The following MAGI2 variants were observed in gnomAD, a reference collection of about 807,000 sequenced individuals.
MAGI2 encodes the protein membrane-associated guanylate kinase, WW and PDZ domain-containing protein 2.
MAGI2 carries 35 observed loss-of-function variants against 133.3 expected under a neutral mutation model. The ratio of observed to expected loss-of-function variants is 0.26; its 90% CI spans 0.20 to 0.35. The LOEUF is 0.35. Ranked by LOEUF, MAGI2 falls within the 10% of genes least tolerant of loss-of-function variation. MAGI2 has a pLI of 1.00. For synonymous variants in MAGI2, 729 were observed against 710.6 expected, an observed-to-expected ratio of 1.03 and a Z score of -0.41; for missense variants, 1,636 against 1,863.4, an observed-to-expected ratio of 0.88 and a Z score of 2.25.
intron 1 of MAGI2, among the ~76,000 whole-genome samples, chr7:79,167,293 C>G (rs1393716871): frequency 6.6e-6 from 1 of 151,054 alleles, no homozygotes; most frequent in African/African-American, 2.4e-5. Context: ...CCCCTCCACT[C>G]CTCTGATTCT....
intron 1 of MAGI2, among the ~76,000 whole-genome samples, chr7:79,421,346 T>C (rs1017137089): frequency 6.6e-6 from 1 of 151,856 alleles, no homozygotes; most frequent in African/African-American, 2.4e-5. Context: ...CTATTATTAA[T>C]ATTACTCACA....
intron 2 of MAGI2, among the ~76,000 whole-genome samples, chr7:78,874,891 T>C (rs527827946): frequency 2.0e-5 from 3 of 152,206 alleles, no homozygotes; most frequent in African/African-American, 7.2e-5. Context: ...CCCATAAACA[T>C]GTATAATTAT....
intron 1 of MAGI2, among the ~76,000 whole-genome samples, chr7:79,176,496 C>G (rs1211225602): frequency 6.6e-6 from 1 of 152,070 alleles, no homozygotes; most frequent in African/African-American, 2.4e-5. Context: ...TGAGAACACT[C>G]TCTGGAACAA....
chr7:78,162,172 G>C (rs1825090626), intron 15 of MAGI2, among the ~76,000 whole-genome samples: 1 of 152,154 alleles, frequency 6.6e-6, no homozygotes, highest in African/African-American at 2.4e-5. Context: ...GCAGTGACAA[G>C]AGAGATCTCA....
At chr7:78,025,883 C>T (rs1445311643) in intron 21 of MAGI2, among the ~76,000 whole-genome samples, 1 of 152,176 alleles carries the variant, frequency 6.6e-6, no homozygotes, top group Non-Finnish European at 1.5e-5. Flanking sequence ...GATGTTCTTT[C>T]CCGTGTTATG....
intron 1 of MAGI2, among the ~76,000 whole-genome samples, chr7:79,242,157 A>G (rs1832463748): frequency 6.6e-6 from 1 of 152,196 alleles, no homozygotes; most frequent in South Asian, 2.1e-4. Flanking sequence ...TATATTGTAT[A>G]ATTGAAAATT....
At position 79,363,771 on chromosome 7, in the gene MAGI2, G is replaced by T. The variant is rs974002272; in HGVS notation, c.301+89249C>A. Among the ~76,000 whole-genome samples, 36 of 149,608 alleles carry T rather than the reference G, an allele frequency of 2.4e-4. No homozygotes were observed. In the East Asian group the frequency reaches 7.1e-3, roughly 29 times the overall value. ...CAGGAAAGAATCAACAGAGGGAAGA[G>T]ACAACCTATGGATTGGGAGAAAATA... On this transcript the variant is annotated intron_variant, in intron 1 of 21. Coordinates refer to ENST00000354212, the MANE Select transcript of MAGI2 (RefSeq NM_012301.4).
At chr7:78,514,745 C>G (rs1018740597) in intron 4 of MAGI2, among the ~76,000 whole-genome samples, 1 of 152,174 alleles carries the variant, frequency 6.6e-6, no homozygotes, top group African/African-American at 2.4e-5. Flanking sequence ...TTCACAGAAC[C>G]AGGACTGATG....
chr7:79,294,721 C>CTTTTTTTT lies in MAGI2; in HGVS notation c.301+158291_301+158298dup, dbSNP rs1161010284. Among the ~76,000 whole-genome samples the CTTTTTTTT allele has an allele frequency of 4.7e-4, 39 of 83,178 alleles. 1 individual carries two copies. The highest frequency in any genetic ancestry group is 6.6e-4 in the Non-Finnish European group (31 of 47,018). 54.6% of individuals were successfully genotyped at this position (83,178 alleles called of 152,430 possible). A position where few individuals can be genotyped will look rare whatever the true frequency, so the allele number is the denominator to read the frequency against. ...GTACAATAAGATTATATTTTGGTAGCTTTTTTTTTTTTTTTTTTTTTTTTC... is the reference window on the plus strand; with the variant it reads ...GTACAATAAGATTATATTTTGGTAGCTTTTTTTTTTTTTTTTTTTTTTTTTTTTTTTTC... On this transcript the variant is annotated intron_variant, in intron 1 of 21. Transcript: ENST00000354212.
At chr7:79,217,721 G>A (rs1313863791) in intron 1 of MAGI2, among the ~76,000 whole-genome samples, 2 of 151,948 alleles carry the variant, frequency 1.3e-5, no homozygotes, top group Non-Finnish European at 2.9e-5. Context: ...AATACATTGA[G>A]CAAATTATGT....
intron 2 of MAGI2, among the ~76,000 whole-genome samples, chr7:78,702,487 A>T (rs1818182196): frequency 6.6e-6 from 1 of 151,992 alleles, no homozygotes; most frequent in Non-Finnish European, 1.5e-5. Context: ...TGAAATGAGG[A>T]TAATACTAGC....
At chr7:79,093,399 G>C (rs1042717855) in intron 1 of MAGI2, among the ~76,000 whole-genome samples, 9 of 152,054 alleles carry the variant, frequency 5.9e-5, no homozygotes, top group African/African-American at 2.2e-4. Context: ...CCACAATAAA[G>C]CAAATATTGC....
At chr7:79,052,539 A>C (rs1194257049) in intron 1 of MAGI2, among the ~76,000 whole-genome samples, 1 of 152,208 alleles carries the variant, frequency 6.6e-6, no homozygotes, top group Non-Finnish European at 1.5e-5. Flanking sequence ...CTCCCATGCC[A>C]CTGGCCTTTC....
chr7:79,000,962 G>T (rs117338419), intron 2 of MAGI2, among the ~76,000 whole-genome samples: 1 of 152,078 alleles, frequency 6.6e-6, no homozygotes. Context: ...GTGTTTCCAG[G>T]CTGGAGTATA....
chr7:78,832,363 A>T (rs1211997268), intron 2 of MAGI2, among the ~76,000 whole-genome samples: 1 of 152,166 alleles, frequency 6.6e-6, no homozygotes, highest in East Asian at 1.9e-4. Flanking sequence ...GTAGGGTTGG[A>T]AATACATGAA....
chr7:79,312,555 T>C (rs2129560778), intron 1 of MAGI2, among the ~76,000 whole-genome samples: 1 of 152,330 alleles, frequency 6.6e-6, no homozygotes, highest in South Asian at 2.1e-4. Context: ...CTGTTTCTCA[T>C]TTTTTGGCTT....
At chr7:78,876,516 C>A (rs181726904) in intron 2 of MAGI2, among the ~76,000 whole-genome samples, 1 of 151,672 alleles carries the variant, frequency 6.6e-6, no homozygotes, top group Admixed American at 6.6e-5. Context: ...TTTCAATTAA[C>A]CCAAAGCAGG....
intron 1 of MAGI2, among the ~76,000 whole-genome samples, chr7:79,199,786 C>T (rs1828428069): frequency 1.3e-5 from 2 of 151,702 alleles, no homozygotes; most frequent in Non-Finnish European, 2.9e-5. Context: ...GCAGTGCAGC[C>T]GGGGGAGAGG....
At chr7:78,621,203 C>T (rs1409789279) in intron 3 of MAGI2, 1 of 151,866 alleles carries the variant, frequency 6.6e-6, no homozygotes, top group Admixed American at 6.6e-5. Flanking sequence ...CTTGGCATCT[C>T]ACCTTTACCT....
Sources: allele counts gnomAD v4.1 joint callset (sites outside exome capture counted in the v4.1 genomes callset), GRCh38; gene constraint gnomAD v4.1.1; transcripts MANE v1.5; gene names NCBI Gene and HGNC (gene_info 2026-07-23, HGNC 2026-07-21).